TRPC5: variants seen among roughly 807,000 people sequenced by gnomAD.
TRPC5 encodes the protein transient receptor potential cation channel subfamily C member 5, also known as short transient receptor potential channel 5.
TRPC5 carries 9 observed loss-of-function variants against 56.5 expected under a neutral mutation model. The ratio of observed to expected loss-of-function variants is 0.16; its 90% CI spans 0.10 to 0.28. The LOEUF is 0.28. Among genes scored for constraint, TRPC5 ranks in the 10% least tolerant of loss-of-function variants. The pLI, the probability that TRPC5 is intolerant of heterozygous loss-of-function variation, is 1.00. For synonymous variants in TRPC5, 282 were observed against 278.5 expected, an observed-to-expected ratio of 1.01 and a Z score of -0.13; for missense variants, 469 against 748.9, an observed-to-expected ratio of 0.63 and a Z score of 4.36.
chrX:111,981,334 G>C (rs1928077734), intron 1 of TRPC5, among the ~76,000 whole-genome samples: 1 of 111,383 alleles, frequency 9.0e-6, no homozygotes, highest in Admixed American at 9.7e-5. Flanking sequence ...GCTCATAAGA[G>C]AGTCAGCATT....
At chrX:111,943,262 G>C (rs1413709105) in intron 2 of TRPC5, among the ~76,000 whole-genome samples, 3 of 111,841 alleles carry the variant, frequency 2.7e-5, no homozygotes, top group Non-Finnish European at 5.6e-5. Flanking sequence ...ATAGCAGGAT[G>C]ACTTTTATAA....
intron 3 of TRPC5, among the ~76,000 whole-genome samples, chrX:111,884,180 G>T (rs1464235086): frequency 1.8e-5 from 2 of 112,554 alleles, no homozygotes; most frequent in African/African-American, 6.4e-5. Flanking sequence ...CAGCCACAGT[G>T]TAAGCCTAAT....
chrX:112,059,018 G>A lies in TRPC5; in HGVS notation c.-22+22861C>T, dbSNP rs1569530358. ...GAGAGCCTCTGGGTTTAACCACTAG[G>A]CTTCCTGTCTCTCAAACACAACAGG... On this transcript the variant is annotated intron_variant, in intron 1 of 10. Transcript: ENST00000262839. Among the ~76,000 whole-genome samples the A allele has an allele frequency of 2.7e-5, 3 of 111,446 alleles. No individual in the cohort carries two copies. In the South Asian group the frequency reaches 1.1e-3, roughly 42 times the overall value.
chrX:111,895,706 A>T (rs1045723343), intron 3 of TRPC5, among the ~76,000 whole-genome samples: 2 of 110,749 alleles, frequency 1.8e-5, no homozygotes, highest in Admixed American at 1.9e-4. Context: ...TCATGGTTCC[A>T]TTGATTTATT....
chrX:111,943,852 C>A (rs1201992123), intron 2 of TRPC5, among the ~76,000 whole-genome samples: 1 of 112,176 alleles, frequency 8.9e-6, no homozygotes, highest in Non-Finnish European at 1.9e-5. Context: ...GTTTACCAGC[C>A]TCTTCCTCTC....
chrX:111,850,680 G>T (rs1385984887), intron 5 of TRPC5, among the ~76,000 whole-genome samples: 11 of 112,037 alleles, frequency 9.8e-5, no homozygotes, highest in Non-Finnish European at 1.9e-4. Flanking sequence ...TGCCAGTTAA[G>T]GGGCATTTAC....
intron 1 of TRPC5, among the ~76,000 whole-genome samples, chrX:111,990,050 A>G (rs1928312811): frequency 8.9e-6 from 1 of 112,404 alleles, no homozygotes; most frequent in Non-Finnish European, 1.9e-5. Context: ...TTCTAAAATC[A>G]AGAACATTCT....
intron 2 of TRPC5, among the ~76,000 whole-genome samples, chrX:111,921,201 C>T (rs987400290): frequency 1.8e-5 from 2 of 111,200 alleles, no homozygotes; most frequent in Admixed American, 1.9e-4. Flanking sequence ...ATTACAATGT[C>T]GTTTCATTAC....
chrX:111,824,062 C>T (rs774755945), intron 7 of TRPC5, among the ~76,000 whole-genome samples: 1 of 109,874 alleles, frequency 9.1e-6, no homozygotes, highest in Non-Finnish European at 1.9e-5. Context: ...GAAACGCCAT[C>T]TCTACAAAAA....
chrX:111,944,267 AGTGTGTGTGTGTGTGTGTGTGTGT>A (rs36057312), intron 2 of TRPC5, among the ~76,000 whole-genome samples: 1 of 71,726 alleles, frequency 1.4e-5, no homozygotes, highest in Non-Finnish European at 2.5e-5. Context: ...GGAGTAGAAG[AGTGTGTGTGTGTGTGTGTGTGTGT>A]GTGTGTGTGT....
chrX:112,070,107 T>C (rs2147745462), intron 1 of TRPC5, among the ~76,000 whole-genome samples: 1 of 111,997 alleles, frequency 8.9e-6, no homozygotes, highest in East Asian at 2.8e-4. Context: ...CCAGGCAGGA[T>C]AAAGATGAGC....
At chrX:111,967,526 A>G (rs1393978672) in intron 1 of TRPC5, among the ~76,000 whole-genome samples, 1 of 112,044 alleles carries the variant, frequency 8.9e-6, no homozygotes, top group East Asian at 2.8e-4. Flanking sequence ...GGCCAAGTCA[A>G]TCCTAAGCCA....
intron 1 of TRPC5, among the ~76,000 whole-genome samples, chrX:112,035,077 CT>C (rs1182759042): frequency 2.4e-3 from 198 of 81,958 alleles, no homozygotes; most frequent in African/African-American, 6.6e-3. Context: ...TGAAGTTTTC[CT>C]TTTTTTTTTT....
intron 2 of TRPC5, 152 bp from the exon 3 acceptor site, chrX:111,912,964 G>T: frequency 1.7e-6 from 1 of 588,413 alleles, no homozygotes; most frequent in Non-Finnish European, 2.6e-6. Context: ...TATAGCTAAT[G>T]TTTGTGGGAT....
chrX:111,905,914 C>CAAAAAAAAAAAAAAAAAAAAAA (rs1202912083), intron 3 of TRPC5, among the ~76,000 whole-genome samples: 2 of 37,009 alleles, frequency 5.4e-5, no homozygotes, highest in Admixed American at 3.3e-4. Context: ...GTCTCTGTCT[C>CAAAAAAAAAAAAAAAAAAAAAA]AAAAAAAAAA....
chrX:111,988,853 G>A (rs992902659), intron 1 of TRPC5, among the ~76,000 whole-genome samples: 5 of 110,979 alleles, frequency 4.5e-5, no homozygotes, highest in Non-Finnish European at 7.6e-5. Flanking sequence ...CACAGATTCC[G>A]GCATAGAGCA....
At chrX:111,969,715 G>T (rs1376195952) in intron 1 of TRPC5, among the ~76,000 whole-genome samples, 1 of 111,147 alleles carries the variant, frequency 9.0e-6, no homozygotes, top group Non-Finnish European at 1.9e-5. Flanking sequence ...GGTGAGAATT[G>T]GTACTGTTTT....
chrX:112,035,718 G>A (rs1197980229), intron 1 of TRPC5, among the ~76,000 whole-genome samples: 7 of 109,217 alleles, frequency 6.4e-5, no homozygotes, highest in Admixed American at 2.0e-4. Context: ...TGCAAGCTCC[G>A]CCTCCCAGGT....
intron 2 of TRPC5, among the ~76,000 whole-genome samples, chrX:111,950,152 G>A (rs1927043689): frequency 9.0e-6 from 1 of 110,675 alleles, no homozygotes; most frequent in Non-Finnish European, 1.9e-5. Context: ...GTGAAACCCT[G>A]TCTCTACTAC....
Sources: allele counts gnomAD v4.1 joint callset (sites outside exome capture counted in the v4.1 genomes callset), GRCh38; gene constraint gnomAD v4.1.1; transcripts MANE v1.5; gene names NCBI Gene and HGNC (gene_info 2026-07-23, HGNC 2026-07-21).